ACTA2: variants seen among roughly 807,000 people sequenced by gnomAD.
ACTA2 encodes actin alpha 2, smooth muscle.
Under a neutral mutation model 39.5 loss-of-function variants are expected in ACTA2, and 12 were observed. The ratio of observed to expected loss-of-function variants is 0.30; its 90% CI spans 0.19 to 0.49. ACTA2 has a LOEUF of 0.49. ACTA2 is among the 20% of genes least tolerant of loss of function. The probability of loss-of-function intolerance (pLI) is 0.99; values close to 1 mark genes in which losing one functional copy is unlikely to be tolerated. For missense variants in ACTA2, 236 were observed against 498.8 expected, an observed-to-expected ratio of 0.47 and a Z score of 5.02; for synonymous variants, 158 against 180.6, an observed-to-expected ratio of 0.88 and a Z score of 1.00.
chr10:88,973,300 C>T (rs1011580457), intron 1 of ACTA2: 3 of 1,610,360 alleles, frequency 1.9e-6, no homozygotes, highest in East Asian at 2.2e-5. Flanking sequence ...TCATCACCAT[C>T]TGAACAGCTC....
intron 3 of ACTA2, among the ~76,000 whole-genome samples, chr10:88,944,988 G>A (rs1845919899): frequency 6.6e-6 from 1 of 152,086 alleles, no homozygotes. Flanking sequence ...TTTTGTTTTG[G>A]ATTTGTGGTT....
chr10:88,980,513 C>G (rs1295192969), intron 1 of ACTA2, among the ~76,000 whole-genome samples: 2 of 152,012 alleles, frequency 1.3e-5, no homozygotes, highest in African/African-American at 4.8e-5. Flanking sequence ...TCTAATTTGT[C>G]ATCCCCAGTA....
rs563375038 is a variant in ACTA2, at chr10:88,967,337, T to G, written c.-23-18384A>C. On this transcript the variant is annotated intron_variant, in intron 1 of 4. Coordinates refer to the ACTA2 transcript ENST00000415557. ...ACTCTGGAGGTAGGTTGGATTCATA[T>G]CCCAGTTTTCAACAATTTATTTTGA... Among the ~76,000 whole-genome samples the G allele has an allele frequency of 2.6e-5, 4 of 152,284 alleles. No homozygotes were observed. In the South Asian group the frequency reaches 8.3e-4, roughly 32 times the overall value.
At chr10:88,958,400 G>C (rs1417408260) in intron 1 of ACTA2, among the ~76,000 whole-genome samples, 1 of 152,194 alleles carries the variant, frequency 6.6e-6, no homozygotes, top group Non-Finnish European at 1.5e-5. Context: ...CCTCACAGCA[G>C]CCATAAGGAA....
chr10:88,956,649 T>C (rs1846143823), upstream of ACTA2, among the ~76,000 whole-genome samples: 1 of 152,204 alleles, frequency 6.6e-6, no homozygotes, highest in African/African-American at 2.4e-5. Context: ...CCACCCAATG[T>C]GTTTGCCATT....
chr10:88,947,070 C>G, intron 3 of ACTA2, 188 bp downstream of exon 3: 1 of 741,726 alleles, frequency 1.3e-6, no homozygotes, highest in Non-Finnish European at 2.1e-6. Flanking sequence ...AGGACATGAA[C>G]TCATCATTTT....
At position 88,947,193 on chromosome 10, in the gene ACTA2, T is replaced by G. The variant is rs963025299; in HGVS notation, c.258+65A>C. The G allele has an allele frequency of 3.1e-6, 5 of 1,604,796 alleles. No individual in the cohort carries two copies. In the Admixed American group the frequency reaches 6.7e-5, roughly 21 times the overall value. On this transcript the variant is annotated intron_variant, in intron 3 of 8. Coordinates refer to ENST00000224784, the MANE Select transcript of ACTA2 (RefSeq NM_001613.4). The stretch of plus-strand genomic sequence containing the variant: ...TTATTTCCCCAGCAGTAGTGTGGTG[T>G]TCTGTATCAGAGAACACAGGGATTA...
In ACTA2 at chr10:88,979,069, CT is replaced by C. The variant is rs528593277; in HGVS notation, c.-24+11869del. ...TCAGAAAACTGAAAGCTCAGAAAACCTTTTTATGTTTAAAAACACTGTCCAC... is the reference window on the plus strand; with the variant it reads ...TCAGAAAACTGAAAGCTCAGAAAACCTTTTATGTTTAAAAACACTGTCCAC... On this transcript the variant is annotated intron_variant, in intron 1 of 4. Coordinates refer to the ACTA2 transcript ENST00000415557. Among the ~76,000 whole-genome samples the C allele has an allele frequency of 9.1e-4, 139 of 152,032 alleles. 2 individuals carry two copies. The highest frequency in any genetic ancestry group is 1.5e-3 in the Non-Finnish European group (100 of 67,966).
rs1182393964 is a variant in ACTA2, at chr10:88,990,494, A to AACCCTGACTCCTTCCTC, written c.-24+428_-24+444dup. 1 of 570,794 alleles carries AACCCTGACTCCTTCCTC rather than the reference A, an allele frequency of 1.8e-6. No individual in the cohort carries two copies. Among genetic ancestry groups the AACCCTGACTCCTTCCTC allele is most frequent in the South Asian group, 1.5e-5 (1 of 64,824 alleles). The allele number at this position is 570,794 out of a possible 1,614,324, so 35.4% of individuals were successfully genotyped here. Reference sequence around the variant, plus strand: ...GACAGGAATGCCCATTTGTGCAACGAACCCTGACTCCTTCCTCACCCTGAC... The same window carrying AACCCTGACTCCTTCCTC: ...GACAGGAATGCCCATTTGTGCAACGAACCCTGACTCCTTCCTCACCCTGACTCCTTCCTCACCCTGAC... On this transcript the variant is annotated intron_variant, in intron 1 of 4. Coordinates refer to the ACTA2 transcript ENST00000415557. This position sits in a 1 kb window ranked among gnomAD's most constrained non-coding sequence, Gnocchi z 4.9.
In ACTA2 at chr10:88,987,002, T is replaced by C. The variant is rs564870251; in HGVS notation, c.-24+3937A>G. On this transcript the variant is annotated intron_variant, in intron 1 of 4. Coordinates refer to the ACTA2 transcript ENST00000415557. ...GTTCTCCAGGAGGTGACAATGTCTA[T>C]ATGATTAGATTCACAGATTACCTAT... is the stretch of plus-strand genomic sequence containing the variant. Among the ~76,000 whole-genome samples the C allele has an allele frequency of 4.3e-4, 65 of 152,344 alleles. No individual in the cohort carries two copies. In the South Asian group the frequency reaches 0.011, roughly 26 times the overall value.
At chr10:88,942,449 T>C (rs374055522) in intron 4 of ACTA2, among the ~76,000 whole-genome samples, 18 of 152,224 alleles carry the variant, frequency 1.2e-4, no homozygotes, top group African/African-American at 3.9e-4. Context: ...TTTTATGTAG[T>C]TACTGGGTCA....
At chr10:88,940,740 A>G (rs1845832217) in intron 6 of ACTA2, 1 of 220,486 alleles carries the variant, frequency 4.5e-6, no homozygotes, top group South Asian at 8.0e-5. Context: ...CTCTATGTCA[A>G]GTATTCCACA....
chr10:88,987,020 TTAC>T (rs1367893407), intron 1 of ACTA2, among the ~76,000 whole-genome samples: 1 of 152,172 alleles, frequency 6.6e-6, no homozygotes, highest in Non-Finnish European at 1.5e-5. Context: ...GATTCACAGA[TTAC>T]CTATCCAAAT....
chr10:88,976,191 A>C (rs556968243), intron 1 of ACTA2, among the ~76,000 whole-genome samples: 3 of 152,314 alleles, frequency 2.0e-5, no homozygotes, highest in Admixed American at 2.0e-4. Context: ...AACACTAACT[A>C]TAGCTGATGA....
In ACTA2 at chr10:88,938,301, G is replaced by A. The variant is rs1845783258; in HGVS notation, c.809-59C>T. 1.9e-6 allele frequency: 3 copies of A among 1,582,448 alleles called. No individual in the cohort carries two copies. The African/African-American group carries it at 4.0e-5, about 21-fold the overall frequency. On this transcript the variant is annotated intron_variant, in intron 7 of 8. Coordinates refer to ENST00000224784, the MANE Select transcript of ACTA2 (RefSeq NM_001613.4). ...GGAGAGTAAAACCCAGGCTAGACAT[G>A]GAAGACCAGACTTGAACATCTGGAT...
upstream of ACTA2, among the ~76,000 whole-genome samples, chr10:88,956,589 C>T (rs1218408121): frequency 2.6e-5 from 4 of 152,176 alleles, no homozygotes; most frequent in African/African-American, 4.8e-5. Flanking sequence ...AGTAGGTGAA[C>T]ATCTTGCAGG....
exon 1 of ACTA2, chr10:88,991,260 T>A (rs1431178936): frequency 6.6e-6 from 3 of 457,212 alleles, no homozygotes; most frequent in African/African-American, 6.0e-5. Flanking sequence ...CTGGGAAGCT[T>A]TAGGGTCGCT....
intron 6 of ACTA2, 138 bp from the exon 7 acceptor site, chr10:88,939,836 T>A: frequency 1.1e-6 from 1 of 891,602 alleles, no homozygotes; most frequent in Non-Finnish European, 1.8e-6. Flanking sequence ...CAATCCAAAA[T>A]CCACAATGAT....
chr10:88,982,969 A>G (rs1315966188), intron 1 of ACTA2, among the ~76,000 whole-genome samples: 1 of 152,168 alleles, frequency 6.6e-6, no homozygotes, highest in Non-Finnish European at 1.5e-5. Flanking sequence ...TTGCTACTTC[A>G]TGTGTCCTTT....
Sources: gnomAD v4.1 joint callset for allele counts (sites outside exome capture counted in the v4.1 genomes callset) on GRCh38, gnomAD v4.1.1 for gene constraint, Gnocchi (gnomAD v3.1) non-coding constraint, MANE v1.5 for transcripts, NCBI Gene and HGNC (gene_info 2026-07-23, HGNC 2026-07-21) for gene names.